The following FHIT variants were observed in gnomAD, a reference collection of about 807,000 sequenced individuals.
The protein encoded by FHIT is bis(5'-adenosyl)-triphosphatase.
In FHIT, 19 loss-of-function variants were observed where a neutral mutation model predicts 17.9. The observed-to-expected ratio is 1.06, with a 90% CI of 0.74 to 1.56. FHIT has a LOEUF of 1.56. FHIT is among the 40% of genes most tolerant of loss of function. The probability of loss-of-function intolerance (pLI) is 0.00; values close to 1 mark genes in which losing one functional copy is unlikely to be tolerated. For synonymous variants in FHIT, 81 were observed against 69.7 expected, an observed-to-expected ratio of 1.16 and a Z score of -0.81; for missense variants, 248 against 189.2, an observed-to-expected ratio of 1.31 and a Z score of -1.82.
At chr3:60,939,559 A>G (rs1297815157) in intron 3 of FHIT, among the ~76,000 whole-genome samples, 2 of 152,164 alleles carry the variant, frequency 1.3e-5, no homozygotes, top group African/African-American at 4.8e-5. Flanking sequence ...TGCATTTAAA[A>G]TATTTTATTC....
intron 2 of FHIT, among the ~76,000 whole-genome samples, chr3:61,046,157 G>A (rs111623824): frequency 0.13 from 20,094 of 152,076 alleles, 1,386 homozygotes; most frequent in South Asian, 0.18. Context: ...AACTGAAGGA[G>A]ATAGAGACGC....
chr3:60,745,285 G>C (rs535122477), intron 4 of FHIT, among the ~76,000 whole-genome samples: 3 of 152,188 alleles, frequency 2.0e-5, no homozygotes, highest in Admixed American at 2.0e-4. Context: ...TTAAAGCCAG[G>C]GGAAAAGCAT....
intron 5 of FHIT, among the ~76,000 whole-genome samples, chr3:60,384,717 C>T (rs533956292): frequency 6.6e-5 from 10 of 151,712 alleles, no homozygotes; most frequent in Admixed American, 2.6e-4. Context: ...AAAACAACAA[C>T]AACAACAACA....
At chr3:61,123,670 C>G (rs572128316) in intron 2 of FHIT, among the ~76,000 whole-genome samples, 1 of 151,960 alleles carries the variant, frequency 6.6e-6, no homozygotes, top group Admixed American at 6.6e-5. Flanking sequence ...TGTTCTATCC[C>G]CCACATTATG....
intron 4 of FHIT, among the ~76,000 whole-genome samples, chr3:60,717,473 A>G (rs1226873933): frequency 6.6e-6 from 1 of 152,164 alleles, no homozygotes; most frequent in Non-Finnish European, 1.5e-5. Flanking sequence ...AGGTGGGGTG[A>G]AAATGCATAT....
At chr3:60,951,341 C>T (rs556693515) in intron 3 of FHIT, among the ~76,000 whole-genome samples, 1 of 152,276 alleles carries the variant, frequency 6.6e-6, no homozygotes, top group African/African-American at 2.4e-5. Flanking sequence ...TTCCCTTCAA[C>T]AGAAACTGTT....
intron 5 of FHIT, among the ~76,000 whole-genome samples, chr3:60,158,276 G>A (rs1700788744): frequency 6.6e-6 from 1 of 151,674 alleles, no homozygotes; most frequent in African/African-American, 2.4e-5. Flanking sequence ...CCCACTCTGA[G>A]ACCATGATAA....
intron 5 of FHIT, among the ~76,000 whole-genome samples, chr3:60,133,751 A>C (rs1194310246): frequency 6.7e-6 from 1 of 149,900 alleles, no homozygotes; most frequent in Non-Finnish European, 1.5e-5. Context: ...TTTTTTTTTT[A>C]ATCCTAAAAG....
chr3:60,833,202 C>T (rs1345079215), intron 3 of FHIT, among the ~76,000 whole-genome samples: 1 of 152,204 alleles, frequency 6.6e-6, no homozygotes, highest in Non-Finnish European at 1.5e-5. Flanking sequence ...TACCCATCCT[C>T]AGCTATGCAT....
intron 5 of FHIT, among the ~76,000 whole-genome samples, chr3:60,265,522 G>C (rs1158910155): frequency 6.6e-6 from 1 of 151,904 alleles, no homozygotes; most frequent in Non-Finnish European, 1.5e-5. Flanking sequence ...TCTTAGCTAT[G>C]TCAGCAAAAG....
chr3:61,021,746 C>T (rs1189739649), intron 3 of FHIT, among the ~76,000 whole-genome samples: 1 of 152,098 alleles, frequency 6.6e-6, no homozygotes, highest in East Asian at 1.9e-4. Context: ...TGAATGACTG[C>T]TGGTTAAATA....
At chr3:59,833,688 C>G (rs866246518) in intron 8 of FHIT, among the ~76,000 whole-genome samples, 67 of 152,172 alleles carry the variant, frequency 4.4e-4, no homozygotes, top group African/African-American at 1.5e-3. Flanking sequence ...ATGGAAATCA[C>G]TATTATACTC....
At chr3:60,976,730 T>C (rs1053862851) in intron 3 of FHIT, among the ~76,000 whole-genome samples, 2 of 152,218 alleles carry the variant, frequency 1.3e-5, no homozygotes, top group Non-Finnish European at 2.9e-5. Flanking sequence ...CCTGTGTATA[T>C]AATATCATTT....
chr3:60,090,440 C>G (rs1451574995), intron 5 of FHIT, among the ~76,000 whole-genome samples: 1 of 152,182 alleles, frequency 6.6e-6, no homozygotes, highest in Non-Finnish European at 1.5e-5. Context: ...AGTCTCCCTT[C>G]TTCAAAAGCA....
intron 3 of FHIT, among the ~76,000 whole-genome samples, chr3:60,940,857 A>G (rs1283499145): frequency 1.3e-5 from 2 of 152,210 alleles, no homozygotes; most frequent in Non-Finnish European, 2.9e-5. Flanking sequence ...ATACTTTTAT[A>G]AAATACAATA....
intron 8 of FHIT, among the ~76,000 whole-genome samples, chr3:59,792,880 G>T (rs892288964): frequency 1.4e-5 from 2 of 146,682 alleles, no homozygotes; most frequent in Admixed American, 1.4e-4. Flanking sequence ...TTTGGGGGGG[G>T]GGGTCATGAA....
chr3:59,955,965 A>G (rs768254290), intron 7 of FHIT, among the ~76,000 whole-genome samples: 10 of 152,198 alleles, frequency 6.6e-5, no homozygotes, highest in Non-Finnish European at 1.5e-4. Context: ...TCCATCCATC[A>G]GTGGCTTCCT....
chr3:60,696,923 G>A (rs1328837602), intron 4 of FHIT, among the ~76,000 whole-genome samples: 2 of 152,082 alleles, frequency 1.3e-5, no homozygotes, highest in Admixed American at 1.3e-4. Context: ...ACATTTTGAG[G>A]GGAAGAGTAT....
At chr3:60,557,255 G>A (rs976280605) in intron 4 of FHIT, among the ~76,000 whole-genome samples, 1 of 152,134 alleles carries the variant, frequency 6.6e-6, no homozygotes, top group African/African-American at 2.4e-5. Flanking sequence ...TTGTACCCAG[G>A]TATGTGACAC....
Sources: gnomAD v4.1 joint callset for allele counts (sites outside exome capture counted in the v4.1 genomes callset) on GRCh38, gnomAD v4.1.1 for gene constraint, MANE v1.5 for transcripts, NCBI Gene and HGNC (gene_info 2026-07-23, HGNC 2026-07-21) for gene names.